Variants in DLG2 observed in about 807,000 individuals in gnomAD.
DLG2 encodes the protein discs large MAGUK scaffold protein 2, also known as disks large homolog 2.
In DLG2, 45 loss-of-function variants were observed where a neutral mutation model predicts 132.5. That is an observed-to-expected ratio of 0.34 (90% CI 0.27 to 0.44). DLG2 has a LOEUF of 0.44. Ranked by LOEUF, DLG2 falls within the 20% of genes least tolerant of loss-of-function variation. The pLI is 1.00. For synonymous variants in DLG2, 424 were observed against 419.6 expected, an observed-to-expected ratio of 1.01 and a Z score of -0.13; for missense variants, 1,045 against 1,196.9, an observed-to-expected ratio of 0.87 and a Z score of 1.87.
chr11:84,454,383 A>G (rs2099059755), intron 7 of DLG2, among the ~76,000 whole-genome samples: 1 of 151,530 alleles, frequency 6.6e-6, no homozygotes, highest in Admixed American at 6.6e-5. Context: ...GTAGAATAGA[A>G]CAATCGCTTT....
At chr11:83,526,239 T>A (rs2095606536) in intron 21 of DLG2, among the ~76,000 whole-genome samples, 1 of 152,176 alleles carries the variant, frequency 6.6e-6, no homozygotes, top group African/African-American at 2.4e-5. Context: ...TCCTCTCTGA[T>A]CTCTTTAGAA....
intron 17 of DLG2, among the ~76,000 whole-genome samples, chr11:83,810,754 T>C (rs1455085012): frequency 6.6e-6 from 1 of 152,106 alleles, no homozygotes; most frequent in Non-Finnish European, 1.5e-5. Flanking sequence ...TACTCATTTA[T>C]TCTAGAAACA....
At chr11:83,863,032 G>T (rs1269996009) in intron 16 of DLG2, among the ~76,000 whole-genome samples, 1 of 152,154 alleles carries the variant, frequency 6.6e-6, no homozygotes. Context: ...GTGTGGCAGA[G>T]ATATGATCTG....
chr11:84,573,937 G>C (rs139971775), intron 6 of DLG2, among the ~76,000 whole-genome samples: 55 of 152,290 alleles, frequency 3.6e-4, no homozygotes, highest in African/African-American at 1.2e-3. Flanking sequence ...TGTGTTGAGA[G>C]ATTCATAGAA....
intron 6 of DLG2, among the ~76,000 whole-genome samples, chr11:84,893,182 CT>C (rs2154065236): frequency 6.6e-6 from 1 of 152,298 alleles, no homozygotes; most frequent in South Asian, 2.1e-4. Context: ...CGATCTTTCT[CT>C]GATAAGAACT....
chr11:84,678,558 G>C (rs1304324037), intron 6 of DLG2, among the ~76,000 whole-genome samples: 1 of 152,048 alleles, frequency 6.6e-6, no homozygotes, highest in Non-Finnish European at 1.5e-5. Context: ...CTATACTGAT[G>C]AATGAGGCTA....
intron 6 of DLG2, among the ~76,000 whole-genome samples, chr11:84,932,907 T>C (rs925933616): frequency 6.6e-6 from 1 of 152,178 alleles, no homozygotes; most frequent in African/African-American, 2.4e-5. Flanking sequence ...AAAATGTTAT[T>C]TCTGGTTCTA....
At chr11:83,756,493 T>G (rs1278674005) in intron 18 of DLG2, among the ~76,000 whole-genome samples, 1 of 151,510 alleles carries the variant, frequency 6.6e-6, no homozygotes, top group Non-Finnish European at 1.5e-5. Flanking sequence ...TTTCAAGTCC[T>G]GGCTCTAAGG....
chr11:83,991,507 C>T (rs773262108), intron 11 of DLG2, among the ~76,000 whole-genome samples: 14 of 152,082 alleles, frequency 9.2e-5, no homozygotes, highest in Non-Finnish European at 5.9e-5. Flanking sequence ...TTCCCCTGCA[C>T]GTTAGGGCTT....
At chr11:83,762,977 T>A (rs892033363) in intron 18 of DLG2, among the ~76,000 whole-genome samples, 1 of 152,158 alleles carries the variant, frequency 6.6e-6, no homozygotes, top group Non-Finnish European at 1.5e-5. Context: ...TTGTTTTGTT[T>A]TGTTATTTTC....
At chr11:84,774,338 G>A (rs1482717892) in intron 6 of DLG2, among the ~76,000 whole-genome samples, 1 of 152,050 alleles carries the variant, frequency 6.6e-6, no homozygotes, top group African/African-American at 2.4e-5. Context: ...TAGATTGGAA[G>A]AATCAATATC....
At position 84,802,356 on chromosome 11, in the gene DLG2, C is replaced by G. The variant is rs141874600; in HGVS notation, c.358-267625G>C. On this transcript the variant is annotated intron_variant, in intron 6 of 27. Transcript: ENST00000376104. ...GGAATTAACAAGGAATAATGAAGCA[C>G]TCCGGAACCCAGCAGCAGCAGCAGC... Among the ~76,000 whole-genome samples the G allele has an allele frequency of 4.6e-5, 7 of 151,940 alleles. No homozygotes were observed. The East Asian group carries it at 1.2e-3, about 25-fold the overall frequency.
chr11:85,072,632 T>G (rs1340704783), intron 6 of DLG2, among the ~76,000 whole-genome samples: 1 of 151,838 alleles, frequency 6.6e-6, no homozygotes, highest in African/African-American at 2.4e-5. Flanking sequence ...CATTTTGCAA[T>G]GAGGTAATTA....
chr11:83,593,865 G>A (rs1184149952), intron 19 of DLG2, among the ~76,000 whole-genome samples: 1 of 151,288 alleles, frequency 6.6e-6, no homozygotes, highest in East Asian at 2.0e-4. Flanking sequence ...AAATAGTGCT[G>A]TCATTTGACA....
intron 6 of DLG2, among the ~76,000 whole-genome samples, chr11:84,679,200 C>T (rs543982426): frequency 7.9e-5 from 12 of 152,014 alleles, no homozygotes; most frequent in African/African-American, 2.9e-4. Flanking sequence ...AATATTTTGT[C>T]TCAGGTGCTG....
intron 22 of DLG2, among the ~76,000 whole-genome samples, chr11:83,475,601 T>A (rs1283342065): frequency 1.3e-5 from 2 of 151,876 alleles, no homozygotes; most frequent in Admixed American, 1.3e-4. Flanking sequence ...AGCTAACAAA[T>A]GAAGAAAAAA....
At chr11:84,523,033 C>G (rs951489338) in intron 7 of DLG2, among the ~76,000 whole-genome samples, 4 of 152,132 alleles carry the variant, frequency 2.6e-5, no homozygotes, top group African/African-American at 9.7e-5. Flanking sequence ...ATAACACACC[C>G]TTACTTAGCT....
In DLG2 at chr11:84,307,695, C is replaced by CAAAAAAAAAAAAAAAAAAAAAAAAAA. The variant is rs1222486667; in HGVS notation, c.520-56405_520-56404insTTTTTTTTTTTTTTTTTTTTTTTTTT. ...TGGGTGAAAGAGCGAGACGCAGTCT[C>CAAAAAAAAAAAAAAAAAAAAAAAAAA]AAAAAAAAAAAAAAAAAAAAAGAAG... is the stretch of plus-strand genomic sequence containing the variant. On this transcript the variant is annotated intron_variant, in intron 7 of 27. Coordinates refer to ENST00000376104, the MANE Select transcript of DLG2 (RefSeq NM_001142699.3). Among the ~76,000 whole-genome samples, 70 of 77,986 alleles carry CAAAAAAAAAAAAAAAAAAAAAAAAAA rather than the reference C, an allele frequency of 9.0e-4. 3 individuals are homozygous for CAAAAAAAAAAAAAAAAAAAAAAAAAA. Among genetic ancestry groups the CAAAAAAAAAAAAAAAAAAAAAAAAAA allele is most frequent in the Non-Finnish European group, 1.4e-3 (54 of 38,454 alleles). The allele number at this position is 77,986 out of a possible 152,430, so 51.2% of individuals were successfully genotyped here. A position where few individuals can be genotyped will look rare whatever the true frequency, so the allele number is the denominator to read the frequency against.
At chr11:85,307,113 T>C (rs947586339) in intron 3 of DLG2, among the ~76,000 whole-genome samples, 2 of 152,182 alleles carry the variant, frequency 1.3e-5, no homozygotes, top group East Asian at 1.9e-4. Flanking sequence ...CCACACAGTA[T>C]AACGAAAGAA....
Sources: allele counts gnomAD v4.1 joint callset (sites outside exome capture counted in the v4.1 genomes callset), GRCh38; gene constraint gnomAD v4.1.1; transcripts MANE v1.5; gene names NCBI Gene and HGNC (gene_info 2026-07-23, HGNC 2026-07-21).